The following UBE2B variants were observed in gnomAD, a reference collection of about 807,000 sequenced individuals.
UBE2B encodes ubiquitin-conjugating enzyme E2 B.
A neutral mutation model predicts 24.6 loss-of-function variants in UBE2B; 11 were observed. The ratio of observed to expected loss-of-function variants is 0.45; its 90% confidence interval spans 0.28 to 0.74. The LOEUF (loss-of-function observed/expected upper bound fraction) is 0.74, where lower values mean the gene tolerates loss of function less well. Ranked by LOEUF, UBE2B falls within the 30% of genes least tolerant of loss-of-function variation. UBE2B has a pLI of 0.13. For missense variants in UBE2B, 78 were observed against 185.6 expected, an observed-to-expected ratio of 0.42 and a Z score of 3.37; for synonymous variants, 68 against 62.4, an observed-to-expected ratio of 1.09 and a Z score of -0.42.
intron 2 of UBE2B, 106 bp downstream of exon 2, chr5:134,374,569 T>C: frequency 8.0e-7 from 1 of 1,249,506 alleles, no homozygotes; most frequent in Non-Finnish European, 1.1e-6. Context: ...TGAGAGATCT[T>C]AAGGACTAAA....
In UBE2B at chr5:134,374,374, G is replaced by T. The variant is rs1163899609; in HGVS notation, c.45-9G>T. Reference sequence around the variant, plus strand: ...TTCAACTTTTTAAATTACCACGCTGGATTTCCAGGTTACAAGAGGACCCAC... The same window carrying T: ...TTCAACTTTTTAAATTACCACGCTGTATTTCCAGGTTACAAGAGGACCCAC... On this transcript the variant is annotated splice_polypyrimidine_tract_variant and intron_variant, in intron 1 of 5. Transcript: ENST00000265339. The T allele has an allele frequency of 1.3e-6, 2 of 1,552,724 alleles. No homozygotes were observed. Among genetic ancestry groups the T allele is most frequent in the African/African-American group, 2.7e-5 (2 of 73,238 alleles).
intron 2 of UBE2B, 110 bp downstream of exon 2, chr5:134,374,573 G>A (rs1758567485): frequency 8.5e-7 from 1 of 1,179,740 alleles, no homozygotes; most frequent in Non-Finnish European, 1.2e-6. Flanking sequence ...AGATCTTAAG[G>A]ACTAAAACTG....
chr5:134,388,425 T>C lies in UBE2B; in HGVS notation c.330+12T>C, dbSNP rs770926789. On this transcript the variant is annotated intron_variant, in intron 5 of 5. Coordinates refer to ENST00000265339, the MANE Select transcript of UBE2B (RefSeq NM_003337.4). ...TAACATCAATTCAGGTAAGTGTGTG[T>C]TAGGATGTATTATAATTTGTCAGTA... The C allele has an allele frequency of 8.1e-6, 13 of 1,607,898 alleles. No homozygotes were observed. The highest frequency in any genetic ancestry group is 1.1e-5 in the Non-Finnish European group (13 of 1,174,474).
rs1261032885 is a variant in UBE2B at position 134,387,055 on chromosome 5, G to A, written c.242-1270G>A. On this transcript the variant is annotated intron_variant, in intron 4 of 5. Coordinates refer to ENST00000265339, the MANE Select transcript of UBE2B (RefSeq NM_003337.4). ...GCTCACTGCAACCTCTGCCTCCTGG[G>A]TTCAAGCAATTCTTCTGCCTCAGCC... Among the ~76,000 whole-genome samples, 2 of 151,678 alleles carry A rather than the reference G, an allele frequency of 1.3e-5. 1 individual carries two copies. The highest frequency in any genetic ancestry group is 4.2e-4 in the South Asian group (2 of 4,808).
rs1330602799 is a variant in UBE2B at position 134,374,391 on chromosome 5, A to G, written c.53A>G (p.Glu18Gly). 1.9e-6 allele frequency: 3 copies of G among 1,554,680 alleles called. No individual in the cohort carries two copies. Among genetic ancestry groups the G allele is most frequent in the Non-Finnish European group, 2.6e-6 (3 of 1,148,244 alleles). ...CCACGCTGGATTTCCAGGTTACAAG[A>G]GGACCCACCTGTGGGTGTCAGTGGC... ...RLMRDFKRLQ[E>G]DPPVGVSGAP... is the part of the protein sequence containing the mutation. The change falls in exon 2 of 6, where the codon GAG becomes GGG. Residue 18 changes from glutamate (E) to glycine (G), a missense_variant. Glu to Gly is a moderately conservative substitution (Grantham distance 98). Coordinates refer to ENST00000265339, the MANE Select transcript of UBE2B (RefSeq NM_003337.4).
Position 134,384,169 on chromosome 5 carries a change from C to A in UBE2B, c.241+3361C>A, listed in dbSNP as rs537817755. 5.3e-5 allele frequency among the ~76,000 whole-genome samples: 8 copies of A among 152,330 alleles called. No homozygotes were observed. In the South Asian group the frequency reaches 1.2e-3, roughly 24 times the overall value. On this transcript the variant is annotated intron_variant, in intron 4 of 5. Coordinates refer to ENST00000265339, the MANE Select transcript of UBE2B (RefSeq NM_003337.4). ...CGTTCCCCATCAGCCAACTCACTTT[C>A]AGGAAGAACATTTTCAGAGGTCCTC... is the stretch of plus-strand genomic sequence containing the variant.
At chr5:134,373,751 TGCGGTA>T (rs1354449854) in intron 1 of UBE2B, among the ~76,000 whole-genome samples, 1 of 152,178 alleles carries the variant, frequency 6.6e-6, no homozygotes, top group Non-Finnish European at 1.5e-5. Context: ...TTTTTGTCCT[TGCGGTA>T]GTTTGCTGAG....
At chr5:134,388,563 C>T (rs1758845973) in intron 5 of UBE2B, 150 bp downstream of exon 5, 2 of 716,066 alleles carry the variant, frequency 2.8e-6, no homozygotes, top group Non-Finnish European at 5.0e-6. Context: ...ACTTGGGATC[C>T]AGTCTGCAGT....
intron 4 of UBE2B, among the ~76,000 whole-genome samples, chr5:134,383,472 G>GTTTTTTTTT (rs1758743470): frequency 9.5e-6 from 1 of 105,244 alleles, no homozygotes; most frequent in African/African-American, 4.5e-5. Context: ...ACCATACCCA[G>GTTTTTTTTT]CTTTTTTTTT....
At chr5:134,381,401 G>A (rs1011106552) in intron 4 of UBE2B, among the ~76,000 whole-genome samples, 1 of 152,136 alleles carries the variant, frequency 6.6e-6, no homozygotes, top group South Asian at 2.1e-4. Flanking sequence ...GACGACAGGT[G>A]TGGACCACCA....
intron 3 of UBE2B, among the ~76,000 whole-genome samples, chr5:134,380,504 G>A (rs988050541): frequency 6.6e-6 from 1 of 152,170 alleles, no homozygotes; most frequent in Non-Finnish European, 1.5e-5. Flanking sequence ...CCCACCAATA[G>A]CAACATGAAT....
chr5:134,390,349 C>T lies in UBE2B; in HGVS notation c.455C>T (p.Ser152Leu), dbSNP rs778030417. The T allele has an allele frequency of 6.2e-7, 1 of 1,613,902 alleles. No homozygotes were observed. The highest frequency in any genetic ancestry group is 1.1e-5 in the South Asian group (1 of 91,060). The change falls in exon 6 of 6, where the codon TCA (serine) becomes TTA (leucine). Residue 152 changes from serine (S) to leucine (L), a missense_variant. By Grantham distance (145) the Ser-to-Leu change is moderately radical (BLOSUM62 -2). Coordinates refer to ENST00000265339, the MANE Select transcript of UBE2B (RefSeq NM_003337.4). The surrounding 1 kb of genome is among the most constrained non-coding windows in gnomAD (Gnocchi z 4.6). ...SAIVEQSWND[S>L] is the part of the protein sequence containing the mutation. ...ATTGTTGAACAAAGCTGGAATGATT[C>T]ATAATAGACAACTGGTCTGTTAATC... is the stretch of plus-strand genomic sequence containing the variant.
intron 4 of UBE2B, among the ~76,000 whole-genome samples, chr5:134,383,285 C>T (rs1253563619): frequency 6.6e-6 from 1 of 152,078 alleles, no homozygotes; most frequent in Admixed American, 6.6e-5. Context: ...TTTTAAATAG[C>T]ACTTTGAACA....
intron 4 of UBE2B, 131 bp from the exon 5 acceptor site, chr5:134,388,194 C>T: frequency 1.4e-6 from 1 of 729,450 alleles, no homozygotes; most frequent in Non-Finnish European, 2.4e-6. Flanking sequence ...ACAGGTTATC[C>T]TGTGATACAG....
chr5:134,376,297 G>A (rs1388389784), intron 2 of UBE2B, among the ~76,000 whole-genome samples: 8 of 95,474 alleles, frequency 8.4e-5, no homozygotes, highest in Non-Finnish European at 1.7e-4. Context: ...ACTCCAGCCT[G>A]GGGGACAAGA....
At position 134,390,187 on chromosome 5, in the gene UBE2B, A is replaced by G. The variant is rs1758878170; in HGVS notation, c.331-38A>G. 8.7e-6 allele frequency: 14 copies of G among 1,612,538 alleles called. No homozygotes were observed. Among genetic ancestry groups the G allele is most frequent in the Non-Finnish European group, 1.2e-5 (14 of 1,179,692 alleles). On this transcript the variant is annotated intron_variant, in intron 5 of 5. Coordinates refer to ENST00000265339, the MANE Select transcript of UBE2B (RefSeq NM_003337.4). This position sits in a 1 kb window ranked among gnomAD's most constrained non-coding sequence, Gnocchi z 4.6. The stretch of plus-strand genomic sequence containing the variant: ...TCTGACCCCTGTTGGTATAAAGAAC[A>G]ACTATGCAAATCTGTTTTTTCTTTT...
chr5:134,381,244 T>C (rs1357857255), intron 4 of UBE2B, among the ~76,000 whole-genome samples: 1 of 151,854 alleles, frequency 6.6e-6, no homozygotes, highest in Admixed American at 6.6e-5. Flanking sequence ...GGGTTTGTTG[T>C]GGATTTTTGG....
At position 134,374,190 on chromosome 5, in the gene UBE2B, T is replaced by C. The variant is rs560460034; in HGVS notation, c.45-193T>C. ...CAAGCCCTTTCAATTTTTAGATAAT[T>C]TGGAGAGGTATTTAATAAGTATATA... On this transcript the variant is annotated intron_variant, in intron 1 of 5. Coordinates refer to ENST00000265339, the MANE Select transcript of UBE2B (RefSeq NM_003337.4). Among the ~76,000 whole-genome samples the C allele has an allele frequency of 5.3e-5, 8 of 152,294 alleles. No individual in the cohort carries two copies. In the South Asian group the frequency reaches 1.7e-3, roughly 32 times the overall value.
intron 3 of UBE2B, among the ~76,000 whole-genome samples, chr5:134,378,476 G>A (rs1229013193): frequency 1.3e-5 from 2 of 151,962 alleles, no homozygotes; most frequent in African/African-American, 2.4e-5. Context: ...GCCAGGCTGG[G>A]GCCTTAAACT....
Sources: allele counts gnomAD v4.1 joint callset (sites outside exome capture counted in the v4.1 genomes callset), GRCh38; gene constraint gnomAD v4.1.1; non-coding constraint Gnocchi (gnomAD v3.1); transcripts MANE v1.5; gene names NCBI Gene and HGNC (gene_info 2026-07-23, HGNC 2026-07-21).